Variants in RANBP9 observed in about 807,000 individuals in gnomAD.
The protein encoded by RANBP9 is RAN binding protein 9.
Under a neutral mutation model 84.3 loss-of-function variants are expected in RANBP9, and 15 were observed. The ratio of observed to expected loss-of-function variants is 0.18; its 90% CI spans 0.12 to 0.27. RANBP9 has a LOEUF of 0.27. RANBP9 is among the 10% of genes least tolerant of loss of function. The pLI, the probability that RANBP9 is intolerant of heterozygous loss-of-function variation, is 1.00. For synonymous variants in RANBP9, 392 were observed against 349.6 expected (o/e 1.12, Z -1.35); for missense variants, 809 against 912.8 (o/e 0.89, Z 1.46).
chr6:13,698,593 A>G (rs1011964495), intron 1 of RANBP9, among the ~76,000 whole-genome samples: 1 of 152,228 alleles, frequency 6.6e-6, no homozygotes, highest in Admixed American at 6.5e-5. Context: ...AAGGGGAGTG[A>G]CCCAAACTTT....
chr6:13,646,206 A>G (rs1765171491), intron 5 of RANBP9, among the ~76,000 whole-genome samples: 1 of 151,950 alleles, frequency 6.6e-6, no homozygotes, highest in Non-Finnish European at 1.5e-5. Context: ...GGTCAGGAGT[A>G]CAAGACCAGC....
rs570402890 is a variant in RANBP9, at chr6:13,692,959, G to T, written c.683+3826C>A. 4.3e-4 allele frequency among the ~76,000 whole-genome samples: 65 copies of T among 152,318 alleles called. No homozygotes were observed. The South Asian group carries it at 8.7e-3, about 20-fold the overall frequency. On this transcript the variant is annotated intron_variant, in intron 2 of 13. Coordinates refer to ENST00000011619, the MANE Select transcript of RANBP9 (RefSeq NM_005493.3). ...CCTTTAAAAGCCAGCTATAAGTTAAGTACTGGAGTTATAGAAATTAAAATA... is the reference window on the plus strand; with the variant it reads ...CCTTTAAAAGCCAGCTATAAGTTAATTACTGGAGTTATAGAAATTAAAATA...
intron 2 of RANBP9, among the ~76,000 whole-genome samples, chr6:13,694,187 A>G (rs1562321495): frequency 1.3e-5 from 2 of 152,254 alleles, no homozygotes; most frequent in Non-Finnish European, 2.9e-5. Flanking sequence ...CTTACTCGTG[A>G]AAAGAAAACT....
intron 5 of RANBP9, 63 bp downstream of exon 5, chr6:13,652,596 G>GT: frequency 1.4e-6 from 2 of 1,392,370 alleles, no homozygotes; most frequent in South Asian, 1.2e-5. Flanking sequence ...AATATGCCCA[G>GT]TATCAGTTTC....
intron 1 of RANBP9, among the ~76,000 whole-genome samples, chr6:13,707,437 A>G (rs906768214): frequency 2.0e-5 from 3 of 152,258 alleles, no homozygotes; most frequent in Admixed American, 2.0e-4. Flanking sequence ...ACTGTGTTCC[A>G]GTTACCTTTT....
intron 1 of RANBP9, among the ~76,000 whole-genome samples, chr6:13,706,708 A>G (rs1312005728): frequency 6.6e-6 from 1 of 151,046 alleles, no homozygotes; most frequent in African/African-American, 2.4e-5. Flanking sequence ...AAAAAAAAAA[A>G]AGGACAATTC....
chr6:13,642,660 T>A (rs978173212), intron 6 of RANBP9, 69 bp from the exon 7 acceptor site: 3 of 1,089,910 alleles, frequency 2.8e-6, no homozygotes, highest in Admixed American at 2.3e-5. Context: ...ACAATTTATA[T>A]AAACAAAATC....
chr6:13,625,324 G>T lies in RANBP9; in HGVS notation c.2059+329C>A, dbSNP rs144228450. Among the ~76,000 whole-genome samples the T allele has an allele frequency of 3.3e-4, 50 of 152,234 alleles. No individual in the cohort carries two copies. In the East Asian group the frequency reaches 9.3e-3, roughly 28 times the overall value. Reference sequence around the variant, plus strand: ...AATGTCTCTGGTAGGGTAGTATTTTGAATTATACACAAGGACCACCAAATC... The same window carrying T: ...AATGTCTCTGGTAGGGTAGTATTTTTAATTATACACAAGGACCACCAAATC... On this transcript the variant is annotated intron_variant, in intron 13 of 13. Coordinates refer to ENST00000011619, the MANE Select transcript of RANBP9 (RefSeq NM_005493.3).
rs182643106 is a variant in RANBP9 at position 13,683,775 on chromosome 6, T to C, written c.683+13010A>G. ...CTTGTAATTGGAAAAAAAAATTTCT[T>C]GGGAAAAAAAAAACACCTATACTTG... On this transcript the variant is annotated intron_variant, in intron 2 of 13. Transcript: ENST00000011619. Among the ~76,000 whole-genome samples, 506 of 151,806 alleles carry C rather than the reference T, an allele frequency of 3.3e-3. 2 individuals are homozygous for C. Among genetic ancestry groups the C allele is most frequent in the African/African-American group, 0.012 (492 of 41,456 alleles).
At chr6:13,649,391 T>C (rs543944861) in intron 5 of RANBP9, among the ~76,000 whole-genome samples, 4 of 149,728 alleles carry the variant, frequency 2.7e-5, no homozygotes, top group African/African-American at 9.8e-5. Flanking sequence ...ATCTCCGCTA[T>C]CTATGAACAA....
intron 3 of RANBP9, among the ~76,000 whole-genome samples, chr6:13,657,687 C>T (rs1024722170): frequency 6.6e-6 from 1 of 152,144 alleles, no homozygotes. Context: ...TTTCTCAAGA[C>T]TGTGATCCAA....
chr6:13,680,707 G>A (rs1438217464), intron 2 of RANBP9, among the ~76,000 whole-genome samples: 1 of 151,700 alleles, frequency 6.6e-6, no homozygotes, highest in Non-Finnish European at 1.5e-5. Context: ...AGTGAGCCAT[G>A]ATTGTGCCAC....
At chr6:13,662,839 C>A (rs367653418) in intron 2 of RANBP9, among the ~76,000 whole-genome samples, 1 of 152,070 alleles carries the variant, frequency 6.6e-6, no homozygotes, top group South Asian at 2.1e-4. Context: ...TGAAATAAAT[C>A]TTTACTGATG....
intron 4 of RANBP9, among the ~76,000 whole-genome samples, chr6:13,655,524 T>C (rs1765378710): frequency 6.6e-6 from 1 of 152,138 alleles, no homozygotes; most frequent in Non-Finnish European, 1.5e-5. Context: ...ACTCCATTAT[T>C]AGGTGCACCT....
intron 3 of RANBP9, 97 bp downstream of exon 3, chr6:13,658,683 A>G: frequency 9.9e-7 from 1 of 1,013,120 alleles, no homozygotes; most frequent in South Asian, 1.4e-5. Flanking sequence ...AAACACAGAA[A>G]ATCAGTATCT....
At chr6:13,691,016 A>C (rs1766311466) in intron 2 of RANBP9, among the ~76,000 whole-genome samples, 1 of 151,988 alleles carries the variant, frequency 6.6e-6, no homozygotes, top group Non-Finnish European at 1.5e-5. Context: ...AAAATACAAA[A>C]ATTAGCTGGG....
At chr6:13,637,720 A>G (rs1764973415) in intron 10 of RANBP9, 88 bp downstream of exon 10, 3 of 1,324,734 alleles carry the variant, frequency 2.3e-6, no homozygotes, top group South Asian at 3.3e-5. Context: ...TGTGGGTCAC[A>G]TAATTCAAGT....
intron 2 of RANBP9, among the ~76,000 whole-genome samples, chr6:13,665,300 T>C (rs1228830000): frequency 2.6e-5 from 4 of 152,116 alleles, no homozygotes; most frequent in Non-Finnish European, 5.9e-5. Context: ...AAGACATAGA[T>C]GATCCAATTT....
intron 11 of RANBP9, among the ~76,000 whole-genome samples, chr6:13,633,698 A>G (rs1434538688): frequency 1.3e-5 from 2 of 152,250 alleles, no homozygotes; most frequent in African/African-American, 2.4e-5. Context: ...AGAGTAAAAC[A>G]AAGCTGCATT....
Sources: gnomAD v4.1 joint callset for allele counts (sites outside exome capture counted in the v4.1 genomes callset) on GRCh38, gnomAD v4.1.1 for gene constraint, MANE v1.5 for transcripts, NCBI Gene and HGNC (gene_info 2026-07-23, HGNC 2026-07-21) for gene names.